Variants in SEL1L2 observed in about 807,000 individuals in gnomAD.
The protein encoded by SEL1L2 is SEL1L2 adaptor subunit of SYVN1 ubiquitin ligase.
SEL1L2 carries 89 observed loss-of-function variants against 98.8 expected under a neutral mutation model. The ratio of observed to expected loss-of-function variants is 0.90; its 90% CI spans 0.76 to 1.07. The LOEUF is 1.07. SEL1L2 is among the 50% of genes least tolerant of loss of function. The probability of loss-of-function intolerance (pLI) is 0.00; values close to 1 mark genes in which losing one functional copy is unlikely to be tolerated. For synonymous variants in SEL1L2, 262 were observed against 278.5 expected, an observed-to-expected ratio of 0.94 and a Z score of 0.59; for missense variants, 788 against 812.0, an observed-to-expected ratio of 0.97 and a Z score of 0.36.
rs139267338 is a variant in SEL1L2, at chr20:13,927,915, G to C, written c.283+3688C>G. 22 of 152,230 alleles carry C rather than the reference G, an allele frequency of 1.4e-4. No homozygotes were observed. In the East Asian group the frequency reaches 3.7e-3, roughly 25 times the overall value. 9.4% of individuals were successfully genotyped at this position (152,230 alleles called of 1,614,324 possible). On this transcript the variant is annotated intron_variant, in intron 3 of 19. Coordinates refer to ENST00000284951, the MANE Select transcript of SEL1L2 (RefSeq NM_025229.2). ...ATAGGTACTGTTCCCAAGCTGTGTC[G>C]CATGGACCCACAGTGAGACTTAATA...
intron 10 of SEL1L2, among the ~76,000 whole-genome samples, chr20:13,878,145 G>A (rs907093660): frequency 3.9e-5 from 6 of 152,092 alleles, no homozygotes; most frequent in African/African-American, 9.7e-5. Context: ...TGTCTAGGTC[G>A]TTACATTAAA....
intron 5 of SEL1L2, among the ~76,000 whole-genome samples, chr20:13,908,836 A>C (rs967080408): frequency 6.6e-6 from 1 of 152,152 alleles, no homozygotes; most frequent in Non-Finnish European, 1.5e-5. Context: ...TAAACCACTA[A>C]AGGTGCATGA....
At chr20:13,972,990 C>T (rs1360643148) in intron 1 of SEL1L2, among the ~76,000 whole-genome samples, 1 of 151,990 alleles carries the variant, frequency 6.6e-6, no homozygotes, top group Non-Finnish European at 1.5e-5. Flanking sequence ...TTTTCTCTTT[C>T]TGGAAATCCT....
At chr20:13,934,959 G>T (rs2049380734) in intron 2 of SEL1L2, among the ~76,000 whole-genome samples, 1 of 152,046 alleles carries the variant, frequency 6.6e-6, no homozygotes, top group African/African-American at 2.4e-5. Flanking sequence ...TAAGCATCCT[G>T]CACTCTCTAG....
intron 5 of SEL1L2, among the ~76,000 whole-genome samples, chr20:13,891,678 A>G: frequency 6.6e-6 from 1 of 151,436 alleles, no homozygotes; most frequent in African/African-American, 2.4e-5. Flanking sequence ...AAAAAAAAAA[A>G]AAAAAAAGGA....
chr20:13,859,211 C>T (rs773304223), intron 18 of SEL1L2, 51 bp downstream of exon 18: 4 of 1,513,052 alleles, frequency 2.6e-6, no homozygotes, highest in Non-Finnish European at 3.7e-6. Context: ...CACATTCTGT[C>T]TTCTCACACA....
At chr20:13,895,364 G>T (rs2047375717) in intron 5 of SEL1L2, among the ~76,000 whole-genome samples, 1 of 150,276 alleles carries the variant, frequency 6.7e-6, no homozygotes, top group Admixed American at 6.7e-5. Flanking sequence ...GATGAATTGA[G>T]CCCAGGAGGT....
intron 3 of SEL1L2, among the ~76,000 whole-genome samples, chr20:13,922,604 T>G (rs551893540): frequency 6.6e-6 from 1 of 152,318 alleles, no homozygotes; most frequent in East Asian, 1.9e-4. Flanking sequence ...GGCTAGATTT[T>G]CCGCAGAGGA....
At chr20:13,889,590 G>A (rs1247355513) in intron 5 of SEL1L2, among the ~76,000 whole-genome samples, 1 of 152,082 alleles carries the variant, frequency 6.6e-6, no homozygotes, top group African/African-American at 2.4e-5. Flanking sequence ...AGGAGATCGA[G>A]ACCATCCTGG....
chr20:13,940,916 G>A lies in SEL1L2; in HGVS notation c.115-9145C>T, dbSNP rs149592280. Among the ~76,000 whole-genome samples, 296 of 152,202 alleles carry A rather than the reference G, an allele frequency of 1.9e-3. 1 individual carries two copies. Among genetic ancestry groups the A allele is most frequent in the African/African-American group, 6.8e-3 (281 of 41,528 alleles). The stretch of plus-strand genomic sequence containing the variant: ...CTCCATCTCAAAAAGAAAAAGAGTG[G>A]GAGCAGGAAGAACAGTTTGGAAACT... On this transcript the variant is annotated intron_variant, in intron 2 of 19. Coordinates refer to ENST00000284951, the MANE Select transcript of SEL1L2 (RefSeq NM_025229.2).
At chr20:13,872,782 G>GAA (rs5840584) in intron 12 of SEL1L2, among the ~76,000 whole-genome samples, 1 of 151,914 alleles carries the variant, frequency 6.6e-6, no homozygotes, top group Admixed American at 6.5e-5. Context: ...CTTGTCAGGC[G>GAA]AAGAGTGGCC....
At chr20:13,914,306 G>T (rs1218344456) in intron 4 of SEL1L2, among the ~76,000 whole-genome samples, 1 of 151,914 alleles carries the variant, frequency 6.6e-6, no homozygotes, top group Non-Finnish European at 1.5e-5. Flanking sequence ...CTCTCCCATG[G>T]CCACCACCAT....
chr20:13,917,559 T>C (rs921745387), intron 4 of SEL1L2, among the ~76,000 whole-genome samples: 2 of 152,194 alleles, frequency 1.3e-5, no homozygotes, highest in South Asian at 2.1e-4. Flanking sequence ...AAGTTGTTGA[T>C]GTTGTCATAA....
intron 3 of SEL1L2, among the ~76,000 whole-genome samples, chr20:13,922,280 T>C (rs1299272411): frequency 1.3e-5 from 2 of 152,236 alleles, no homozygotes; most frequent in Non-Finnish European, 2.9e-5. Flanking sequence ...GTTATTTATG[T>C]TTGACAATGA....
chr20:13,967,156 C>T (rs958892902), intron 1 of SEL1L2, among the ~76,000 whole-genome samples: 2 of 152,168 alleles, frequency 1.3e-5, no homozygotes, highest in Admixed American at 1.3e-4. Context: ...GCTGGGATTA[C>T]AGGAGCCAGC....
intron 10 of SEL1L2, among the ~76,000 whole-genome samples, chr20:13,880,286 T>C (rs2046633973): frequency 1.3e-5 from 2 of 152,318 alleles, no homozygotes; most frequent in Non-Finnish European, 2.9e-5. Context: ...ATCAGTGAAA[T>C]TTTAAAAGAA....
upstream of SEL1L2, chr20:13,990,755 T>C (rs932265255): frequency 1.9e-6 from 1 of 513,856 alleles, no homozygotes. Flanking sequence ...GCTATTCCTC[T>C]GGCTGAAGAT....
At chr20:13,861,202 G>A (rs898671004) in intron 17 of SEL1L2, among the ~76,000 whole-genome samples, 49 of 151,706 alleles carry the variant, frequency 3.2e-4, no homozygotes, top group African/African-American at 1.1e-3. Context: ...TTGAGACAGG[G>A]CCTGGATTTG....
chr20:13,874,007 G>A lies in SEL1L2; in HGVS notation c.1104+2031C>T, dbSNP rs544423356. Among the ~76,000 whole-genome samples, 3 of 152,280 alleles carry A rather than the reference G, an allele frequency of 2.0e-5. No homozygotes were observed. The South Asian group carries it at 6.2e-4, about 32-fold the overall frequency. Reference sequence around the variant, plus strand: ...GAGATCATGTGAGCCAGCAAGGGCAGGGGCAGCTCTGTGGATGAAGGGAGG... The same window carrying A: ...GAGATCATGTGAGCCAGCAAGGGCAAGGGCAGCTCTGTGGATGAAGGGAGG... On this transcript the variant is annotated intron_variant, in intron 12 of 19. Coordinates refer to ENST00000284951, the MANE Select transcript of SEL1L2 (RefSeq NM_025229.2).
Sources: allele counts gnomAD v4.1 joint callset (sites outside exome capture counted in the v4.1 genomes callset), GRCh38; gene constraint gnomAD v4.1.1; transcripts MANE v1.5; gene names NCBI Gene and HGNC (gene_info 2026-07-23, HGNC 2026-07-21).